The following STK32C variants were observed in gnomAD, a reference collection of about 807,000 sequenced individuals.
STK32C encodes serine/threonine-protein kinase 32C.
STK32C carries 31 observed loss-of-function variants against 56.5 expected under a neutral mutation model. The observed-to-expected ratio is 0.55, with a 90% CI of 0.41 to 0.74. The LOEUF (loss-of-function observed/expected upper bound fraction) is 0.74. STK32C is among the 30% of genes least tolerant of loss of function. The pLI is 0.00. For missense variants in STK32C, 544 were observed against 676.9 expected (o/e 0.80, Z 2.18); for synonymous variants, 309 against 289.4 (o/e 1.07, Z -0.69).
intron 10 of STK32C, among the ~76,000 whole-genome samples, chr10:132,220,615 T>C (rs2062607792): frequency 6.6e-6 from 1 of 152,164 alleles, no homozygotes; most frequent in African/African-American, 2.4e-5. Context: ...CGTGGCCCCA[T>C]CAGCCCCCAA....
intron 2 of STK32C, among the ~76,000 whole-genome samples, chr10:132,237,728 G>A (rs149345451): frequency 8.3e-4 from 127 of 152,280 alleles, no homozygotes; most frequent in African/African-American, 2.8e-3. Context: ...GTGTGCCGGC[G>A]GGGCTGGCCC....
intron 1 of STK32C, among the ~76,000 whole-genome samples, chr10:132,277,083 G>A (rs539293164): frequency 2.3e-4 from 35 of 152,390 alleles, no homozygotes; most frequent in African/African-American, 7.9e-4. Flanking sequence ...TAGACAGAGT[G>A]TAAGACTCTG....
At chr10:132,330,295 T>C (rs1441407831) in intron 1 of STK32C, 1 of 617,290 alleles carries the variant, frequency 1.6e-6, no homozygotes, top group African/African-American at 1.8e-5. Flanking sequence ...CTCAAATGGT[T>C]AGTAAATGTT....
intron 1 of STK32C, among the ~76,000 whole-genome samples, chr10:132,315,497 T>A (rs1023542653): frequency 6.7e-6 from 1 of 149,848 alleles, no homozygotes; most frequent in African/African-American, 2.4e-5. Flanking sequence ...AATAAATAGA[T>A]AGCACAAAAA....
intron 10 of STK32C, among the ~76,000 whole-genome samples, chr10:132,211,100 G>A (rs2062284192): frequency 6.6e-6 from 1 of 152,194 alleles, no homozygotes; most frequent in African/African-American, 2.4e-5. Context: ...TCCCCTAAAG[G>A]AGTCACGATC....
In STK32C at chr10:132,222,717, G is replaced by A; in HGVS notation, c.1175C>T (p.Ser392Phe). 3.1e-6 allele frequency: 5 copies of A among 1,611,654 alleles called. No individual in the cohort carries two copies. Among genetic ancestry groups the A allele is most frequent in the Non-Finnish European group, 3.4e-6 (4 of 1,179,176 alleles). ...CTTCTTCTTCTTGTGCAGGGGCCTG[G>A]ACTCCAGGATCATCTCCTCCAGCTC... ...TFELEEMILE[S>F]RPLHKKKKRL... is the part of the protein sequence containing the mutation. The change falls in exon 10 of 12, where the codon TCC becomes TTC. Residue 392 changes from serine to phenylalanine, a missense_variant. By Grantham distance (155) the Ser-to-Phe change is radical (BLOSUM62 -2). Transcript: ENST00000298630.
intron 2 of STK32C, among the ~76,000 whole-genome samples, chr10:132,235,950 G>A (rs1232158182): frequency 2.6e-5 from 4 of 152,196 alleles, no homozygotes; most frequent in Non-Finnish European, 5.9e-5. Flanking sequence ...ACACTCTCTG[G>A]AATTCATGTC....
intron 1 of STK32C, among the ~76,000 whole-genome samples, chr10:132,276,902 C>T (rs902273927): frequency 2.0e-5 from 3 of 152,248 alleles, no homozygotes; most frequent in Non-Finnish European, 2.9e-5. Flanking sequence ...GGCTCGAGGC[C>T]GTGGCTGCGC....
At chr10:132,290,739 T>C (rs1448425902) in intron 1 of STK32C, among the ~76,000 whole-genome samples, 2 of 152,296 alleles carry the variant, frequency 1.3e-5, no homozygotes, top group Non-Finnish European at 2.9e-5. Flanking sequence ...CCCAAGGCTC[T>C]ACTGCTGTTC....
At chr10:132,261,203 G>A (rs1211411070) in intron 1 of STK32C, among the ~76,000 whole-genome samples, 1 of 152,230 alleles carries the variant, frequency 6.6e-6, no homozygotes, top group African/African-American at 2.4e-5. Context: ...CCCATGGGGA[G>A]GCTGTGGAGT....
chr10:132,243,453 A>C (rs1052406916), intron 2 of STK32C, among the ~76,000 whole-genome samples: 5 of 152,138 alleles, frequency 3.3e-5, no homozygotes, highest in Admixed American at 2.0e-4. Flanking sequence ...GGCGGAGGGC[A>C]GGCTGGACGA....
intron 1 of STK32C, among the ~76,000 whole-genome samples, chr10:132,297,693 C>T (rs555474935): frequency 1.3e-5 from 2 of 152,230 alleles, no homozygotes; most frequent in South Asian, 2.1e-4. Flanking sequence ...TAAACAAAGA[C>T]CCTGGCAGTC....
intron 1 of STK32C, among the ~76,000 whole-genome samples, chr10:132,295,426 G>A (rs1297859794): frequency 1.3e-5 from 2 of 152,244 alleles, no homozygotes; most frequent in African/African-American, 4.8e-5. Flanking sequence ...GGGTGTTGAA[G>A]GAGCCAGGGC....
chr10:132,290,454 G>A lies in STK32C; in HGVS notation c.262+17118C>T, dbSNP rs369659886. 2.3e-3 allele frequency among the ~76,000 whole-genome samples: 346 copies of A among 152,366 alleles called. 2 individuals are homozygous for A. The highest frequency in any genetic ancestry group is 8.1e-3 in the African/African-American group (335 of 41,584). On this transcript the variant is annotated intron_variant, in intron 1 of 11. Transcript: ENST00000298630. ...AGACAGAAACGTGTTCTTGCAGCAG[G>A]TAGCACCTAGAGAGGATGCGATTAC...
intron 1 of STK32C, among the ~76,000 whole-genome samples, chr10:132,290,583 G>C (rs993903303): frequency 3.9e-5 from 6 of 152,226 alleles, no homozygotes; most frequent in African/African-American, 1.4e-4. Context: ...ACGTTTATGA[G>C]GATGGATTCC....
At chr10:132,273,444 G>A (rs1373543244) in intron 1 of STK32C, among the ~76,000 whole-genome samples, 1 of 152,218 alleles carries the variant, frequency 6.6e-6, no homozygotes, top group Admixed American at 6.5e-5. Flanking sequence ...TGAATCAGTA[G>A]ATGAGTGAAT....
At chr10:132,239,534 C>T (rs1347590840) in intron 2 of STK32C, among the ~76,000 whole-genome samples, 5 of 152,240 alleles carry the variant, frequency 3.3e-5, no homozygotes, top group South Asian at 2.1e-4. Flanking sequence ...CGCACTTGGC[C>T]GCCGCAGAGG....
intron 1 of STK32C, among the ~76,000 whole-genome samples, chr10:132,271,273 C>T (rs56314276): frequency 0.049 from 7,502 of 152,204 alleles, 219 homozygotes; most frequent in Middle Eastern, 0.078. Flanking sequence ...GCCCATACAC[C>T]CCATCTGTAA....
At chr10:132,300,630 C>T (rs569119770) in intron 1 of STK32C, among the ~76,000 whole-genome samples, 5 of 152,228 alleles carry the variant, frequency 3.3e-5, no homozygotes, top group Admixed American at 1.3e-4. Context: ...AAGTTCTGAT[C>T]TTTATCATCA....
Sources: allele counts gnomAD v4.1 joint callset (sites outside exome capture counted in the v4.1 genomes callset), GRCh38; gene constraint gnomAD v4.1.1; transcripts MANE v1.5; gene names NCBI Gene and HGNC (gene_info 2026-07-23, HGNC 2026-07-21).